The following SLC10A7 variants were observed in gnomAD, a reference collection of about 807,000 sequenced individuals.
SLC10A7 encodes sodium/bile acid cotransporter 7.
A neutral mutation model predicts 43.2 loss-of-function variants in SLC10A7; 29 were observed. The ratio of observed to expected loss-of-function variants is 0.67; its 90% CI spans 0.50 to 0.92. The LOEUF (loss-of-function observed/expected upper bound fraction) is 0.92, where lower values mean the gene tolerates loss of function less well. Ranked by LOEUF, SLC10A7 falls within the 40% of genes least tolerant of loss-of-function variation. The pLI, the probability that SLC10A7 is intolerant of heterozygous loss-of-function variation, is 0.00. For synonymous variants in SLC10A7, 152 were observed against 144.8 expected (o/e 1.05, Z -0.35); for missense variants, 295 against 403.2 (o/e 0.73, Z 2.30).
rs35059793 is a variant in SLC10A7, at chr4:146,340,535, GGAGA to G, written c.436-14543_436-14540del. 2.7e-3 allele frequency among the ~76,000 whole-genome samples: 389 copies of G among 141,878 alleles called. 4 individuals are homozygous for G. The highest frequency in any genetic ancestry group is 4.9e-3 in the South Asian group (22 of 4,466). The allele number at this position is 141,878 out of a possible 152,430, so 93.1% of individuals were successfully genotyped here. On this transcript the variant is annotated intron_variant, in intron 5 of 11. Coordinates refer to ENST00000335472, the MANE Select transcript of SLC10A7 (RefSeq NM_001029998.6). ...TGTGTGTGTGTGTATATATATATAT[GGAGA>G]GAGAGAGAGAGAGAGAGAGAGAGTG...
chr4:146,423,128 C>T (rs1244861153), intron 5 of SLC10A7, among the ~76,000 whole-genome samples: 1 of 152,060 alleles, frequency 6.6e-6, no homozygotes, highest in Non-Finnish European at 1.5e-5. Flanking sequence ...GAAAATTTCA[C>T]AAGCAAAAAT....
chr4:146,347,985 A>G (rs1008486776), intron 5 of SLC10A7, among the ~76,000 whole-genome samples: 4 of 152,218 alleles, frequency 2.6e-5, no homozygotes, highest in African/African-American at 9.6e-5. Flanking sequence ...TATAACTAAG[A>G]GAAAGCATTG....
chr4:146,503,861 A>G lies in SLC10A7; in HGVS notation c.384T>C (p.Val128=), dbSNP rs769621104. 1 of 1,614,144 alleles carries G rather than the reference A, an allele frequency of 6.2e-7. No homozygotes were observed. Among genetic ancestry groups the G allele is most frequent in the Non-Finnish European group, 8.5e-7 (1 of 1,179,994 alleles). The change falls in exon 4 of 12, where the codon GTT becomes GTC. Residue 128 remains valine (V), a synonymous_variant. Coordinates refer to ENST00000335472, the MANE Select transcript of SLC10A7 (RefSeq NM_001029998.6). ...CCCCATGACTCACCTCATTTCCACCAACTGCCTTGGTTAAAATCACTGCAG... is the reference window on the plus strand; with the variant it reads ...CCCCATGACTCACCTCATTTCCACCGACTGCCTTGGTTAAAATCACTGCAG... ...VSSAVILTKA[V]GGNEAAAIFN...
At chr4:146,334,597 T>C (rs1217934363) in intron 5 of SLC10A7, among the ~76,000 whole-genome samples, 1 of 152,104 alleles carries the variant, frequency 6.6e-6, no homozygotes, top group Non-Finnish European at 1.5e-5. Context: ...TTAAAATTCA[T>C]AGAAAAGAGG....
At chr4:146,422,210 T>C (rs1729015292) in intron 5 of SLC10A7, among the ~76,000 whole-genome samples, 1 of 152,152 alleles carries the variant, frequency 6.6e-6, no homozygotes, top group Non-Finnish European at 1.5e-5. Flanking sequence ...AAGGTACAGG[T>C]ATGTAAATAG....
chr4:146,370,286 A>C (rs1472151247), intron 5 of SLC10A7, among the ~76,000 whole-genome samples: 1 of 152,192 alleles, frequency 6.6e-6, no homozygotes, highest in Non-Finnish European at 1.5e-5. Flanking sequence ...CAAGTAATAA[A>C]AAAAATCCTT....
At chr4:146,332,596 A>G (rs1000383574) in intron 5 of SLC10A7, among the ~76,000 whole-genome samples, 2 of 152,144 alleles carry the variant, frequency 1.3e-5, no homozygotes, top group Non-Finnish European at 2.9e-5. Context: ...GCCTTCCACC[A>G]TGAGTAAGTG....
chr4:146,514,569 A>T (rs1737779876), intron 2 of SLC10A7: 1 of 152,232 alleles, frequency 6.6e-6, no homozygotes, highest in Non-Finnish European at 1.5e-5. Context: ...ATTTTAGAAT[A>T]CATGTCATTA....
At chr4:146,300,010 G>A (rs771708332) in intron 7 of SLC10A7, among the ~76,000 whole-genome samples, 2 of 152,172 alleles carry the variant, frequency 1.3e-5, no homozygotes, top group Non-Finnish European at 2.9e-5. Context: ...CTTTAACCAG[G>A]GTTGGGGCTT....
At chr4:146,404,969 T>C (rs1003809075) in intron 5 of SLC10A7, among the ~76,000 whole-genome samples, 1 of 152,210 alleles carries the variant, frequency 6.6e-6, no homozygotes, top group Non-Finnish European at 1.5e-5. Context: ...GCCTAACCAG[T>C]GCAAAATTCT....
At position 146,352,919 on chromosome 4, in the gene SLC10A7, C is replaced by T. The variant is rs1232783028; in HGVS notation, c.436-26923G>A. Among the ~76,000 whole-genome samples, 26 of 140,868 alleles carry T rather than the reference C, an allele frequency of 1.8e-4. 1 individual carries two copies. The Admixed American group carries it at 1.9e-3, about 10-fold the overall frequency. 92.4% of individuals were successfully genotyped at this position (140,868 alleles called of 152,430 possible). A position where few individuals can be genotyped will look rare whatever the true frequency, so the allele number is the denominator to read the frequency against. On this transcript the variant is annotated intron_variant, in intron 5 of 11. Coordinates refer to ENST00000335472, the MANE Select transcript of SLC10A7 (RefSeq NM_001029998.6). The stretch of plus-strand genomic sequence containing the variant: ...GAGGGAAATTTATAGCACTAAATGC[C>T]TACAAGAGAAAGCAGGAAAGATCCA...
intron 4 of SLC10A7, among the ~76,000 whole-genome samples, chr4:146,498,679 A>G (rs1381489560): frequency 6.6e-6 from 1 of 152,258 alleles, no homozygotes; most frequent in Non-Finnish European, 1.5e-5. Flanking sequence ...ACTAAACAGT[A>G]TCATTTGTTT....
intron 4 of SLC10A7, among the ~76,000 whole-genome samples, chr4:146,502,112 A>G (rs1736474584): frequency 6.6e-6 from 1 of 152,254 alleles, no homozygotes; most frequent in African/African-American, 2.4e-5. Context: ...TAGACATTTC[A>G]CTAAAGAAGA....
At chr4:146,440,780 A>T (rs1041847822) in intron 5 of SLC10A7, among the ~76,000 whole-genome samples, 2 of 152,176 alleles carry the variant, frequency 1.3e-5, no homozygotes, top group Admixed American at 1.3e-4. Context: ...TTTATGTAAG[A>T]AAAAGCAAGG....
chr4:146,306,807 C>G (rs928946551), intron 6 of SLC10A7, among the ~76,000 whole-genome samples: 11 of 152,164 alleles, frequency 7.2e-5, no homozygotes, highest in African/African-American at 2.7e-4. Flanking sequence ...TCAAACTTCT[C>G]TGGACAAACA....
At chr4:146,345,611 T>C (rs535127776) in intron 5 of SLC10A7, among the ~76,000 whole-genome samples, 1 of 152,246 alleles carries the variant, frequency 6.6e-6, no homozygotes, top group African/African-American at 2.4e-5. Flanking sequence ...AAATATGCAC[T>C]CTTATGGCAC....
At chr4:146,352,179 G>A (rs1181318802) in intron 5 of SLC10A7, among the ~76,000 whole-genome samples, 2 of 110,622 alleles carry the variant, frequency 1.8e-5, no homozygotes, top group African/African-American at 8.5e-5. Context: ...CAGAATAAAA[G>A]GATGGAGGAA....
intron 5 of SLC10A7, among the ~76,000 whole-genome samples, chr4:146,406,998 C>T (rs537311663): frequency 8.2e-4 from 124 of 151,996 alleles, no homozygotes; most frequent in African/African-American, 2.7e-3. Context: ...ACAAAACAAA[C>T]AACAACAACA....
intron 3 of SLC10A7, among the ~76,000 whole-genome samples, chr4:146,506,446 T>C (rs979037091): frequency 6.6e-6 from 1 of 152,188 alleles, no homozygotes; most frequent in African/African-American, 2.4e-5. Context: ...CTCCTCAAGA[T>C]ACAATCCCAC....
Sources: gnomAD v4.1 joint callset for allele counts (sites outside exome capture counted in the v4.1 genomes callset) on GRCh38, gnomAD v4.1.1 for gene constraint, MANE v1.5 for transcripts, NCBI Gene and HGNC (gene_info 2026-07-23, HGNC 2026-07-21) for gene names.